CREM: variants seen among roughly 807,000 people sequenced by gnomAD.
CREM encodes the protein cAMP responsive element modulator.
In CREM, 13 loss-of-function variants were observed where a neutral mutation model predicts 37.3. That is an observed-to-expected ratio of 0.35 (90% CI 0.23 to 0.55). The LOEUF (loss-of-function observed/expected upper bound fraction) is 0.55. Ranked by LOEUF, CREM falls within the 20% of genes least tolerant of loss-of-function variation. CREM has a pLI of 0.88. For missense variants in CREM, 296 were observed against 362.3 expected (o/e 0.82, Z 1.49); for synonymous variants, 124 against 120.2 (o/e 1.03, Z -0.21).
At chr10:35,153,682 G>A (rs968585256) in intron 3 of CREM, among the ~76,000 whole-genome samples, 1 of 152,144 alleles carries the variant, frequency 6.6e-6, no homozygotes. Flanking sequence ...TGGAGGCCTC[G>A]ACTCTGAAAG....
intron 6 of CREM, 175 bp downstream of exon 6, chr10:35,188,563 T>G: frequency 2.0e-6 from 1 of 501,696 alleles, no homozygotes; most frequent in Non-Finnish European, 3.2e-6. Context: ...AAATTAAGTT[T>G]TATCATTTTT....
chr10:35,134,278 G>A (rs2090046100), intron 1 of CREM, among the ~76,000 whole-genome samples: 1 of 152,202 alleles, frequency 6.6e-6, no homozygotes, highest in South Asian at 2.1e-4. Context: ...GTGCAGGGGC[G>A]CGATCTTGGC....
At chr10:35,156,612 A>G (rs960698727) in intron 3 of CREM, among the ~76,000 whole-genome samples, 2 of 152,212 alleles carry the variant, frequency 1.3e-5, no homozygotes, top group Non-Finnish European at 2.9e-5. Flanking sequence ...ATCCCAGACT[A>G]TTAAGAATTA....
intron 5 of CREM, among the ~76,000 whole-genome samples, chr10:35,185,355 C>T (rs1030903968): frequency 1.3e-5 from 2 of 152,036 alleles, no homozygotes; most frequent in Admixed American, 6.6e-5. Flanking sequence ...CCACCAACCT[C>T]GGCCTCCCAA....
chr10:35,148,526 T>C (rs1452681355), intron 3 of CREM, 35 bp downstream of exon 3: 1 of 1,588,878 alleles, frequency 6.3e-7, no homozygotes, highest in South Asian at 1.2e-5. Context: ...AAAGTCAAAA[T>C]ATATGGAAAT....
Position 35,178,973 on chromosome 10 carries a change from A to C in CREM, c.253A>C (p.Arg85=). Residue 85 remains arginine (R), a synonymous_variant, in exon 4 of 8, where the codon AGA becomes CGA. Coordinates refer to ENST00000685392, the MANE Select transcript of CREM (RefSeq NM_183011.2). ...TAAACGTAGAGAAATCCTTTCACGA[A>C]GACCCTCTTATAGGTAAGTTAACCA... ...SHKRREILSR[R]PSYRKILNEL... 3 of 1,611,062 alleles carry C rather than the reference A, an allele frequency of 1.9e-6. No individual in the cohort carries two copies. Among genetic ancestry groups the C allele is most frequent in the Non-Finnish European group, 2.5e-6 (3 of 1,179,056 alleles).
chr10:35,131,441 A>G (rs1229155063), intron 1 of CREM, among the ~76,000 whole-genome samples: 3 of 152,178 alleles, frequency 2.0e-5, no homozygotes, highest in Non-Finnish European at 4.4e-5. Flanking sequence ...TTTTTTATTG[A>G]TAGCACAAAA....
chr10:35,187,088 T>TA (rs2094622210), intron 5 of CREM, among the ~76,000 whole-genome samples: 1 of 49,422 alleles, frequency 2.0e-5, no homozygotes, highest in South Asian at 4.2e-4. Context: ...ATATATAATA[T>TA]ATAATATATA....
chr10:35,171,916 G>A (rs1422952522), intron 3 of CREM, among the ~76,000 whole-genome samples: 1 of 152,132 alleles, frequency 6.6e-6, no homozygotes, highest in African/African-American at 2.4e-5. Flanking sequence ...TTTAAAAAAG[G>A]AAAGGAACAG....
intron 5 of CREM, among the ~76,000 whole-genome samples, chr10:35,185,498 A>C (rs1297581545): frequency 6.6e-6 from 1 of 152,182 alleles, no homozygotes; most frequent in African/African-American, 2.4e-5. Flanking sequence ...TATCAACTGA[A>C]AAATACACAT....
chr10:35,171,645 T>C (rs1236920190), intron 3 of CREM, among the ~76,000 whole-genome samples: 2 of 152,204 alleles, frequency 1.3e-5, no homozygotes, highest in East Asian at 1.9e-4. Flanking sequence ...AAAAAATGAA[T>C]GTGGACACCA....
At chr10:35,195,210 C>T in intron 6 of CREM, 1 of 1,613,820 alleles carries the variant, frequency 6.2e-7, no homozygotes, top group Non-Finnish European at 8.5e-7. Flanking sequence ...CTGGAGATGA[C>T]ACAGGTAAGA....
intron 6 of CREM, among the ~76,000 whole-genome samples, chr10:35,197,575 C>T (rs1027481109): frequency 5.3e-5 from 8 of 151,996 alleles, no homozygotes; most frequent in African/African-American, 1.7e-4. Context: ...GCCTCAGCCT[C>T]CCGAGTAGCT....
intron 3 of CREM, among the ~76,000 whole-genome samples, chr10:35,175,276 C>T (rs556124942): frequency 6.6e-6 from 1 of 152,198 alleles, no homozygotes; most frequent in East Asian, 1.9e-4. Flanking sequence ...GAAACCCCGT[C>T]TCTACTAAAA....
rs527646824 is a variant in CREM, at chr10:35,211,582, G to A, written c.*184G>A. ...GAATGCAGCCGTGATCACACTTACC[G>A]AGCTTACTTTGATCTGTTTGTCAAT... is the stretch of plus-strand genomic sequence containing the variant. On this transcript the variant is annotated 3_prime_UTR_variant, in exon 8 of 8. Transcript: ENST00000685392. The A allele has an allele frequency of 8.3e-6, 13 of 1,557,510 alleles. No homozygotes were observed. Among genetic ancestry groups the A allele is most frequent in the African/African-American group, 6.8e-5 (5 of 73,108 alleles).
At chr10:35,132,420 TC>T (rs2089601446) in intron 1 of CREM, among the ~76,000 whole-genome samples, 1 of 152,170 alleles carries the variant, frequency 6.6e-6, no homozygotes, top group Non-Finnish European at 1.5e-5. Context: ...GAATAGCTAG[TC>T]CTTTAGTGAT....
Position 35,164,924 on chromosome 10 carries a change from G to A in CREM, c.169-13965G>A, listed in dbSNP as rs536960471. Among the ~76,000 whole-genome samples the A allele has an allele frequency of 4.6e-5, 7 of 152,042 alleles. No individual in the cohort carries two copies. The East Asian group carries it at 9.7e-4, about 21-fold the overall frequency. On this transcript the variant is annotated intron_variant, in intron 3 of 7. Transcript: ENST00000685392. ...AAATCAGCTGGGCATGGTGGCAGGC[G>A]CCTGTAATCCCAGCTACGCCGGAGG...
chr10:35,159,401 T>C (rs2093150611), intron 3 of CREM, among the ~76,000 whole-genome samples: 1 of 152,102 alleles, frequency 6.6e-6, no homozygotes, highest in East Asian at 1.9e-4. Context: ...GAACAGAATA[T>C]AAAGTCCAGA....
chr10:35,208,857 T>C (rs1313119103), intron 7 of CREM, among the ~76,000 whole-genome samples: 2 of 152,232 alleles, frequency 1.3e-5, no homozygotes, highest in Admixed American at 1.3e-4. Flanking sequence ...TTTCTAAATC[T>C]CAGTTTCAGA....
Sources: allele counts gnomAD v4.1 joint callset (sites outside exome capture counted in the v4.1 genomes callset), GRCh38; gene constraint gnomAD v4.1.1; transcripts MANE v1.5; gene names NCBI Gene and HGNC (gene_info 2026-07-23, HGNC 2026-07-21).